Variants in ZNF365 observed in about 807,000 individuals in gnomAD.
ZNF365 encodes protein ZNF365.
A neutral mutation model predicts 35.0 loss-of-function variants in ZNF365; 22 were observed. The ratio of observed to expected loss-of-function variants is 0.63; its 90% CI spans 0.45 to 0.90. The LOEUF (loss-of-function observed/expected upper bound fraction) is 0.90. ZNF365 is among the 40% of genes least tolerant of loss of function. The pLI, the probability that ZNF365 is intolerant of heterozygous loss-of-function variation, is 0.00. For synonymous variants in ZNF365, 188 were observed against 196.2 expected, an observed-to-expected ratio of 0.96 and a Z score of 0.35; for missense variants, 448 against 500.3, an observed-to-expected ratio of 0.90 and a Z score of 1.00.
chr10:62,385,021 CAATT>C (rs1839504283), intron 2 of ZNF365, among the ~76,000 whole-genome samples: 2 of 152,170 alleles, frequency 1.3e-5, no homozygotes, highest in Non-Finnish European at 2.9e-5. Context: ...TGATATTCCA[CAATT>C]AGTCACTTGG....
intron 4 of ZNF365, among the ~76,000 whole-genome samples, chr10:62,463,892 A>C (rs1040572903): frequency 6.6e-6 from 1 of 152,172 alleles, no homozygotes; most frequent in Non-Finnish European, 1.5e-5. Flanking sequence ...ACCAACTAAC[A>C]GGTCACCCCT....
In ZNF365 at chr10:62,376,563, T is replaced by C. The variant is rs1182922689; in HGVS notation, c.370T>C (p.Ser124Pro). The C allele has an allele frequency of 6.2e-7, 1 of 1,613,714 alleles. No individual in the cohort carries two copies. Among genetic ancestry groups the C allele is most frequent in the South Asian group, 1.1e-5 (1 of 91,054 alleles). The change falls in exon 2 of 5, where the codon TCC becomes CCC. Residue 124 changes from serine to proline, a missense_variant. Coordinates refer to ENST00000395254, the MANE Select transcript of ZNF365 (RefSeq NM_014951.3). ...TGAGGTGGTGGCAGAGAGGCCTGTG[T>C]CCTATGTGCAGACCTACACTGCCAT... ...PFEVVAERPV[S>P]YVQTYTAMDL...
intron 4 of ZNF365, among the ~76,000 whole-genome samples, chr10:62,477,450 T>G (rs1034214518): frequency 1.9e-4 from 29 of 152,216 alleles, no homozygotes; most frequent in African/African-American, 6.8e-4. Flanking sequence ...TTTGTGTCAC[T>G]GAGGGTTTAG....
intron 4 of ZNF365, chr10:62,479,826 C>CAACAATACTG (rs1589478925): frequency 7.7e-7 from 1 of 1,306,174 alleles, no homozygotes; most frequent in East Asian, 2.3e-5. Context: ...TTGCTGGCAC[C>CAACAATACTG]TAGATACCAC....
chr10:62,380,578 G>T (rs942068471), intron 2 of ZNF365, among the ~76,000 whole-genome samples: 1 of 152,126 alleles, frequency 6.6e-6, no homozygotes, highest in Admixed American at 6.5e-5. Flanking sequence ...TTGTTCAGGG[G>T]TCAACTATTT....
chr10:62,478,795 C>T (rs12762692), intron 4 of ZNF365, among the ~76,000 whole-genome samples: 292 of 152,252 alleles, frequency 1.9e-3, no homozygotes, highest in Middle Eastern at 3.4e-3. Context: ...AGGATGGTCT[C>T]GATCTCCTGA....
At chr10:62,407,580 C>T (rs1352841043) in intron 3 of ZNF365, among the ~76,000 whole-genome samples, 3 of 117,010 alleles carry the variant, frequency 2.6e-5, no homozygotes, top group African/African-American at 1.8e-4. Flanking sequence ...TGAGGGTCTC[C>T]TCTCCTCTCC....
intron 3 of ZNF365, among the ~76,000 whole-genome samples, chr10:62,438,308 C>T (rs185166472): frequency 6.6e-6 from 1 of 152,008 alleles, no homozygotes; most frequent in East Asian, 1.9e-4. Context: ...CGTGCCTCAG[C>T]CTCCCTGGTA....
chr10:62,376,034 G>T, intron 1 of ZNF365, 147 bp from the exon 2 acceptor site: 1 of 793,310 alleles, frequency 1.3e-6, no homozygotes. Flanking sequence ...TTGGCCCATG[G>T]GCTGTAGGTT....
At chr10:62,462,229 A>G (rs1330462424) in intron 4 of ZNF365, among the ~76,000 whole-genome samples, 1 of 152,232 alleles carries the variant, frequency 6.6e-6, no homozygotes, top group Non-Finnish European at 1.5e-5. Flanking sequence ...GACTGTGGTG[A>G]ACTCAACTGT....
chr10:62,431,434 T>C (rs1840332322), intron 3 of ZNF365, among the ~76,000 whole-genome samples: 3 of 152,230 alleles, frequency 2.0e-5, no homozygotes, highest in Admixed American at 2.0e-4. Context: ...CATTTGCTTA[T>C]ATCAATAAGT....
In ZNF365 at chr10:62,399,550, G is replaced by T. The variant is rs145454121; in HGVS notation, c.985G>T (p.Val329Leu). 5 of 1,613,850 alleles carry T rather than the reference G, an allele frequency of 3.1e-6. No individual in the cohort carries two copies. In the African/African-American group the frequency reaches 5.3e-5, roughly 17 times the overall value. ...KCLSRGHPHS[V>L]CNHPDLKAHF... is the part of the protein sequence containing the mutation. ...TAGAAGCCGAGGGCACCCGCATTCG[G>T]TATGTAACCACCCTGATCTCAAGGC... is the stretch of plus-strand genomic sequence containing the variant. Residue 329 changes from valine to leucine, a missense_variant, in exon 5 of 5, where the codon GTA becomes TTA. Coordinates refer to ENST00000395254, the MANE Select transcript of ZNF365 (RefSeq NM_014951.3).
At chr10:62,474,373 A>G (rs1164150985) in intron 4 of ZNF365, among the ~76,000 whole-genome samples, 1 of 152,096 alleles carries the variant, frequency 6.6e-6, no homozygotes. Context: ...AAGTTTTCTT[A>G]CTTGTTTATT....
At chr10:62,408,510 T>C (rs550244705) in intron 3 of ZNF365, among the ~76,000 whole-genome samples, 1 of 152,314 alleles carries the variant, frequency 6.6e-6, no homozygotes, top group African/African-American at 2.4e-5. Flanking sequence ...TCATTGTCTC[T>C]CTTTGTATTC....
Position 62,376,685 on chromosome 10 carries a change from A to C in ZNF365, c.492A>C (p.Lys164Asn), listed in dbSNP as rs890244291. ...KASFEAHVRE[K>N]FNRMVEAVDR... ...CTTTCGAGGCACATGTCAGAGAAAA[A>C]TTCAATCGAATGGTTGAGGCTGTGG... Residue 164 changes from lysine (K) to asparagine (N), a missense_variant, in exon 2 of 5, where the codon AAA becomes AAC. By Grantham distance (94) the Lys-to-Asn change is moderately conservative (BLOSUM62 0). Coordinates refer to ENST00000395254, the MANE Select transcript of ZNF365 (RefSeq NM_014951.3). The C allele has an allele frequency of 6.2e-7, 1 of 1,614,142 alleles. No homozygotes were observed. The highest frequency in any genetic ancestry group is 1.7e-5 in the Admixed American group (1 of 60,030).
intron 3 of ZNF365, among the ~76,000 whole-genome samples, chr10:62,450,789 A>T: frequency 6.6e-6 from 1 of 152,236 alleles, no homozygotes; most frequent in East Asian, 1.9e-4. Context: ...GAATAATTTA[A>T]AAGTGTGTGT....
In ZNF365 at chr10:62,401,958, A is replaced by G; in HGVS notation, c.*2169A>G. 1.0e-6 allele frequency: 1 copy of G among 985,548 alleles called. No individual in the cohort carries two copies. The highest frequency in any genetic ancestry group is 1.2e-6 in the Non-Finnish European group (1 of 829,902). The allele number at this position is 985,548 out of a possible 1,614,324, so 61.1% of individuals were successfully genotyped here. A position where few individuals can be genotyped will look rare whatever the true frequency, so the allele number is the denominator to read the frequency against. On this transcript the variant is annotated 3_prime_UTR_variant, in exon 5 of 5. Transcript: ENST00000395254. ...CCCACTAAATTTTGACCCCATATAA[A>G]GAAATGTGTTATGTATGTTGTGCCT...
chr10:62,391,115 A>G (rs1839620495), intron 3 of ZNF365, among the ~76,000 whole-genome samples: 1 of 152,214 alleles, frequency 6.6e-6, no homozygotes, highest in Non-Finnish European at 1.5e-5. Context: ...TAACTTTTTT[A>G]CCTTATAGAC....
At chr10:62,389,261 A>G (rs1839582086) in intron 3 of ZNF365, among the ~76,000 whole-genome samples, 1 of 107,288 alleles carries the variant, frequency 9.3e-6, no homozygotes, top group Non-Finnish European at 1.8e-5. Flanking sequence ...ACAAATAACC[A>G]TACTCTAGGT....
Sources: allele counts gnomAD v4.1 joint callset (sites outside exome capture counted in the v4.1 genomes callset), GRCh38; gene constraint gnomAD v4.1.1; transcripts MANE v1.5; gene names NCBI Gene and HGNC (gene_info 2026-07-23, HGNC 2026-07-21).